The following SMIM13 variants were observed in gnomAD, a reference collection of about 807,000 sequenced individuals.
SMIM13 encodes the protein small integral membrane protein 13.
In SMIM13, 3 loss-of-function variants were observed where a neutral mutation model predicts 5.9. That is an observed-to-expected ratio of 0.51 (90% confidence interval 0.23 to 1.31). The LOEUF (loss-of-function observed/expected upper bound fraction) is 1.31, where lower values mean the gene tolerates loss of function less well. SMIM13 is among the 40% of genes most tolerant of loss of function. SMIM13 has a pLI of 0.18. For synonymous variants in SMIM13, 55 were observed against 46.0 expected (o/e 1.19, Z -0.79); for missense variants, 85 against 109.9 (o/e 0.77, Z 1.01).
At chr6:11,119,889 A>G (rs575533177) in intron 1 of SMIM13, among the ~76,000 whole-genome samples, 2 of 152,324 alleles carry the variant, frequency 1.3e-5, no homozygotes, top group South Asian at 4.1e-4. Context: ...AATAACTTCT[A>G]GCATTGCCTA....
At chr6:11,098,621 C>T (rs68148040) in intron 1 of SMIM13, among the ~76,000 whole-genome samples, 28,550 of 152,002 alleles carry the variant, frequency 0.19, 3,016 homozygotes, top group African/African-American at 0.29. Context: ...TTAGTAGTGA[C>T]GGGGTTTCAC....
chr6:11,097,297 A>T (rs909706081), intron 1 of SMIM13, among the ~76,000 whole-genome samples: 5 of 152,212 alleles, frequency 3.3e-5, no homozygotes, highest in Non-Finnish European at 7.3e-5. Flanking sequence ...TTATAAGGAC[A>T]TCAGTCGCTG....
chr6:11,116,477 A>T (rs905042656), intron 1 of SMIM13, among the ~76,000 whole-genome samples: 3 of 152,236 alleles, frequency 2.0e-5, no homozygotes, highest in African/African-American at 7.2e-5. Context: ...GGTAGAATTC[A>T]TCTGGGCTGG....
chr6:11,094,927 G>A (rs1043361624), intron 1 of SMIM13, among the ~76,000 whole-genome samples: 2 of 152,160 alleles, frequency 1.3e-5, no homozygotes, highest in Admixed American at 1.3e-4. Flanking sequence ...AACTTGCAGG[G>A]TCGGGTAACC....
At chr6:11,095,414 T>C (rs920951836) in intron 1 of SMIM13, among the ~76,000 whole-genome samples, 33 of 152,326 alleles carry the variant, frequency 2.2e-4, no homozygotes, top group Non-Finnish European at 4.0e-4. Context: ...GGCCTGATCT[T>C]GGCCCACTGC....
chr6:11,103,498 A>G lies in SMIM13; in HGVS notation c.76+9109A>G, dbSNP rs1005301358. 4.0e-6 allele frequency: 3 copies of G among 746,910 alleles called. No homozygotes were observed. In the East Asian group the frequency reaches 8.3e-5, roughly 21 times the overall value. The allele number at this position is 746,910 out of a possible 1,614,324, so 46.3% of individuals were successfully genotyped here. ...ACCCAATTATCTGGGAAAATGGACGAAGGTCAGTCTTCTTTAACTGCTTCC... is the reference window on the plus strand; with the variant it reads ...ACCCAATTATCTGGGAAAATGGACGGAGGTCAGTCTTCTTTAACTGCTTCC... On this transcript the variant is annotated intron_variant, in intron 1 of 1. Transcript: ENST00000416247.
intron 1 of SMIM13, chr6:11,103,964 T>G (rs753693375): frequency 5.2e-5 from 81 of 1,551,608 alleles, no homozygotes; most frequent in Non-Finnish European, 7.0e-5. Flanking sequence ...TGATGTTGTC[T>G]TGTACTTTTC....
chr6:11,096,411 G>A (rs889606155), intron 1 of SMIM13, among the ~76,000 whole-genome samples: 14 of 152,226 alleles, frequency 9.2e-5, no homozygotes, highest in South Asian at 2.1e-4. Context: ...TGCTAGGGCT[G>A]GAGAGCCCTG....
chr6:11,099,801 A>G (rs1757968647), intron 1 of SMIM13, among the ~76,000 whole-genome samples: 1 of 152,168 alleles, frequency 6.6e-6, no homozygotes, highest in Non-Finnish European at 1.5e-5. Flanking sequence ...CTAAATAGCC[A>G]CTATATATTT....
chr6:11,109,137 G>A (rs1056062963), intron 1 of SMIM13, among the ~76,000 whole-genome samples: 92 of 152,340 alleles, frequency 6.0e-4, no homozygotes, highest in African/African-American at 2.0e-3. Context: ...TTGTTGGACC[G>A]CCACCATAAT....
chr6:11,104,435 A>G (rs1466904032), intron 1 of SMIM13: 2 of 1,551,672 alleles, frequency 1.3e-6, no homozygotes, highest in Admixed American at 2.0e-5. Flanking sequence ...CTTGAGTTTT[A>G]AGGCATGTAG....
chr6:11,104,153 CT>C, intron 1 of SMIM13: 1 of 1,551,708 alleles, frequency 6.4e-7, no homozygotes, highest in Non-Finnish European at 8.7e-7. Flanking sequence ...TGGCTATTTC[CT>C]TTGAGAGCTG....
chr6:11,119,027 T>C (rs115771837), intron 1 of SMIM13, among the ~76,000 whole-genome samples: 5,350 of 152,240 alleles, frequency 0.035, 153 homozygotes, highest in Non-Finnish European at 0.052. Flanking sequence ...AGTTGATAGA[T>C]ACAAGGATGT....
intron 1 of SMIM13, among the ~76,000 whole-genome samples, chr6:11,109,226 C>A (rs1262726543): frequency 6.6e-6 from 1 of 152,190 alleles, no homozygotes; most frequent in Non-Finnish European, 1.5e-5. Flanking sequence ...ATGTTAAGCC[C>A]AGTTTATAAA....
At chr6:11,114,449 A>G (rs568697678) in intron 1 of SMIM13, among the ~76,000 whole-genome samples, 2 of 150,742 alleles carry the variant, frequency 1.3e-5, no homozygotes, top group East Asian at 3.9e-4. Flanking sequence ...ATTTTAATAG[A>G]TATTCTTTAT....
intron 1 of SMIM13, among the ~76,000 whole-genome samples, chr6:11,100,096 T>C (rs1388140938): frequency 6.6e-6 from 1 of 152,138 alleles, no homozygotes; most frequent in Non-Finnish European, 1.5e-5. Flanking sequence ...AGTCTCACTC[T>C]GTTGCCCAGG....
intron 1 of SMIM13, among the ~76,000 whole-genome samples, chr6:11,125,658 C>G (rs955401204): frequency 6.6e-6 from 1 of 152,180 alleles, no homozygotes; most frequent in Non-Finnish European, 1.5e-5. Context: ...GCCACCCTCT[C>G]CTGACCTGTA....
chr6:11,115,807 C>T (rs753691358), intron 1 of SMIM13, among the ~76,000 whole-genome samples: 24 of 151,346 alleles, frequency 1.6e-4, no homozygotes, highest in Non-Finnish European at 3.1e-4. Flanking sequence ...GCCTCAGCCT[C>T]CCAAGTAGCT....
intron 1 of SMIM13, among the ~76,000 whole-genome samples, chr6:11,100,687 T>C (rs1757979084): frequency 6.6e-6 from 1 of 152,210 alleles, no homozygotes; most frequent in Non-Finnish European, 1.5e-5. Flanking sequence ...AAAATGTCTC[T>C]ATTTATTTAT....
Sources: allele counts gnomAD v4.1 joint callset (sites outside exome capture counted in the v4.1 genomes callset), GRCh38; gene constraint gnomAD v4.1.1; transcripts MANE v1.5; gene names NCBI Gene and HGNC (gene_info 2026-07-23, HGNC 2026-07-21).